RFTN1: variants seen among roughly 807,000 people sequenced by gnomAD.
RFTN1 encodes the protein raftlin.
RFTN1 carries 26 observed loss-of-function variants against 46.5 expected under a neutral mutation model. The ratio of observed to expected loss-of-function variants is 0.56; its 90% confidence interval spans 0.41 to 0.78. The LOEUF (loss-of-function observed/expected upper bound fraction) is 0.78, where lower values mean the gene tolerates loss of function less well. Ranked by LOEUF, RFTN1 falls within the 30% of genes least tolerant of loss-of-function variation. The pLI is 0.00. For missense variants in RFTN1, 693 were observed against 718.7 expected (o/e 0.96, Z 0.41); for synonymous variants, 261 against 284.2 (o/e 0.92, Z 0.82).
chr3:16,453,645 G>T (rs933623616), intron 2 of RFTN1, among the ~76,000 whole-genome samples: 3 of 152,150 alleles, frequency 2.0e-5, no homozygotes, highest in African/African-American at 7.2e-5. Flanking sequence ...TGGTATAATT[G>T]TAATTGGAAA....
At chr3:16,415,570 G>A (rs1344446484) in intron 3 of RFTN1, among the ~76,000 whole-genome samples, 1 of 151,712 alleles carries the variant, frequency 6.6e-6, no homozygotes, top group East Asian at 1.9e-4. Flanking sequence ...GGCTAAATGA[G>A]CTCTCCATTA....
At position 16,413,102 on chromosome 3, in the gene RFTN1, A is replaced by G. The variant is rs1434285985; in HGVS notation, c.333-3619T>C. Among the ~76,000 whole-genome samples, 2 of 152,256 alleles carry G rather than the reference A, an allele frequency of 1.3e-5. No homozygotes were observed. The highest frequency in any genetic ancestry group is 2.9e-5 in the Non-Finnish European group (2 of 68,032). On this transcript the variant is annotated intron_variant, in intron 3 of 9. Coordinates refer to ENST00000334133, the MANE Select transcript of RFTN1 (RefSeq NM_015150.2). The surrounding 1 kb of genome is among the most constrained non-coding windows in gnomAD (Gnocchi z 4.7). ...CATTTATTACAGAGCATAGAAAACT[A>G]ATACCAAAAAAAGAAAACAGAAAAC...
In RFTN1 at chr3:16,400,939, C is replaced by A. The variant is rs1365724738; in HGVS notation, c.441+8436G>T. ...AGGAGGGGATGCCCATTACCTTGTG[C>A]CCCTCCCACCTCGCCCTGCCTGGAA... On this transcript the variant is annotated intron_variant, in intron 4 of 9. Coordinates refer to ENST00000334133, the MANE Select transcript of RFTN1 (RefSeq NM_015150.2). This position sits in a 1 kb window ranked among gnomAD's most constrained non-coding sequence, Gnocchi z 4.5. Among the ~76,000 whole-genome samples, 1 of 152,062 alleles carries A rather than the reference C, an allele frequency of 6.6e-6. No homozygotes were observed. Among genetic ancestry groups the A allele is most frequent in the Non-Finnish European group, 1.5e-5 (1 of 67,990 alleles).
chr3:16,354,906 G>A (rs543202629), intron 7 of RFTN1, among the ~76,000 whole-genome samples: 177 of 152,300 alleles, frequency 1.2e-3, no homozygotes, highest in African/African-American at 3.8e-3. Context: ...TCCACAAAGC[G>A]CTAGGACACG....
At position 16,448,959 on chromosome 3, in the gene RFTN1, G is replaced by C. The variant is rs983516744; in HGVS notation, c.146-14922C>G. Reference sequence around the variant, plus strand: ...TGAGTCCCTGGAAATGCTTTGTACTGAATTTTCCAGATGATTTATGTTATG... The same window carrying C: ...TGAGTCCCTGGAAATGCTTTGTACTCAATTTTCCAGATGATTTATGTTATG... On this transcript the variant is annotated intron_variant, in intron 2 of 9. Transcript: ENST00000334133. This position sits in a 1 kb window ranked among gnomAD's most constrained non-coding sequence, Gnocchi z 4.1. Among the ~76,000 whole-genome samples the C allele has an allele frequency of 2.0e-5, 3 of 152,128 alleles. No individual in the cohort carries two copies. The highest frequency in any genetic ancestry group is 4.4e-5 in the Non-Finnish European group (3 of 68,018).
At position 16,413,659 on chromosome 3, in the gene RFTN1, A is replaced by G. The variant is rs2075016246; in HGVS notation, c.333-4176T>C. ...GGAGACGTACACAGGGTTAACTAAC[A>G]GCAAAAGCCCCCCCAACCTACTTTA... On this transcript the variant is annotated intron_variant, in intron 3 of 9. Transcript: ENST00000334133. The surrounding 1 kb of genome is among the most constrained non-coding windows in gnomAD (Gnocchi z 4.7). 6.6e-6 allele frequency among the ~76,000 whole-genome samples: 1 copy of G among 152,248 alleles called. No individual in the cohort carries two copies. The highest frequency in any genetic ancestry group is 2.4e-5 in the African/African-American group (1 of 41,466).
In RFTN1 at chr3:16,498,754, C is replaced by G. The variant is rs1195146245; in HGVS notation, c.-8-4877G>C. ...TGCCACACCGGCATTCCTTTCATTT[C>G]GCCCTGGATTCTTCCACCAACTCCC... On this transcript the variant is annotated intron_variant, in intron 1 of 9. Coordinates refer to ENST00000334133, the MANE Select transcript of RFTN1 (RefSeq NM_015150.2). The surrounding 1 kb of genome is among the most constrained non-coding windows in gnomAD (Gnocchi z 5.2). Among the ~76,000 whole-genome samples the G allele has an allele frequency of 6.6e-6, 1 of 152,168 alleles. No homozygotes were observed. The highest frequency in any genetic ancestry group is 1.5e-5 in the Non-Finnish European group (1 of 68,020).
chr3:16,329,612 C>T lies in RFTN1; in HGVS notation c.1147-2736G>A, dbSNP rs775439578. On this transcript the variant is annotated intron_variant, in intron 7 of 9. Transcript: ENST00000334133. The surrounding 1 kb of genome is among the most constrained non-coding windows in gnomAD (Gnocchi z 4.5). ...TGCTGGGTGCCACGCTCACCACCTG[C>T]TGAAGGAGTCCTGAGGCTGCTTTAT... Among the ~76,000 whole-genome samples, 8 of 152,178 alleles carry T rather than the reference C, an allele frequency of 5.3e-5. No homozygotes were observed. Among genetic ancestry groups the T allele is most frequent in the Admixed American group, 2.6e-4 (4 of 15,284 alleles).
rs765197223 is a variant in RFTN1, at chr3:16,370,252, T to C, written c.854A>G (p.Lys285Arg). ...GKMEIFTLFN[K>R]PKSHQKCRQY... ...CCGGCACTTCTGATGGCTCTTCGGT[T>C]TGTTGAAAAGGGTGAAGATCTCCAT... The change falls in exon 6 of 10, where the codon AAA becomes AGA. Residue 285 changes from lysine (K) to arginine (R), a missense_variant. Lys to Arg is a conservative substitution (Grantham distance 26, BLOSUM62 2). Transcript: ENST00000334133. The surrounding 1 kb of genome is among the most constrained non-coding windows in gnomAD (Gnocchi z 5.5). 8 of 1,614,152 alleles carry C rather than the reference T, an allele frequency of 5.0e-6. No homozygotes were observed. Among genetic ancestry groups the C allele is most frequent in the Non-Finnish European group, 4.2e-6 (5 of 1,180,014 alleles).
intron 7 of RFTN1, among the ~76,000 whole-genome samples, chr3:16,343,652 G>A (rs1215101665): frequency 1.3e-5 from 2 of 152,126 alleles, no homozygotes; most frequent in Non-Finnish European, 2.9e-5. Context: ...TCATAAATTT[G>A]GTCAAAGATA....
chr3:16,411,132 G>A (rs991093908), intron 3 of RFTN1, among the ~76,000 whole-genome samples: 1 of 152,142 alleles, frequency 6.6e-6, no homozygotes, highest in African/African-American at 2.4e-5. Flanking sequence ...TTATGAGGCT[G>A]TTCTACCAAA....
At position 16,443,750 on chromosome 3, in the gene RFTN1, A is replaced by AACACACACACACACAC. The variant is rs57242614; in HGVS notation, c.146-9729_146-9714dup. On this transcript the variant is annotated intron_variant, in intron 2 of 9. Coordinates refer to ENST00000334133, the MANE Select transcript of RFTN1 (RefSeq NM_015150.2). The surrounding 1 kb of genome is among the most constrained non-coding windows in gnomAD (Gnocchi z 5.5). ...CACACATAGTCAATGAATTACACAC[A>AACACACACACACACAC]ACACACACACACACACACACACACA... 7.5e-5 allele frequency among the ~76,000 whole-genome samples: 11 copies of AACACACACACACACAC among 146,040 alleles called. 2 individuals carry two copies. The highest frequency in any genetic ancestry group is 6.8e-3 in the Middle Eastern group (2 of 294).
intron 4 of RFTN1, among the ~76,000 whole-genome samples, chr3:16,396,066 T>C (rs1183901690): frequency 6.6e-6 from 1 of 152,178 alleles, no homozygotes; most frequent in African/African-American, 2.4e-5. Context: ...AAAATATACA[T>C]AGATGGTTCA....
chr3:16,317,147 T>C lies in RFTN1; in HGVS notation c.1418A>G (p.Gln473Arg). The change falls in exon 10 of 10, where the codon CAA becomes CGA. Residue 473 changes from glutamine (Q) to arginine (R), a missense_variant. Physicochemically the swap from Gln to Arg is conservative, Grantham distance 43. Coordinates refer to ENST00000334133, the MANE Select transcript of RFTN1 (RefSeq NM_015150.2). This position sits in a 1 kb window ranked among gnomAD's most constrained non-coding sequence, Gnocchi z 4.3. ...TAAGTTCTTCTCATTTTCTTCTGCT[T>C]GTTGTTTGTCTCTGGCACTGAGTTT... Reference protein sequence around the residue: ...KGKLSARDKQQAEENEKNLED... With the variant: ...KGKLSARDKQRAEENEKNLED... The C allele has an allele frequency of 6.2e-7, 1 of 1,613,766 alleles. No individual in the cohort carries two copies. Among genetic ancestry groups the C allele is most frequent in the South Asian group, 1.1e-5 (1 of 91,064 alleles).
In RFTN1 at chr3:16,345,815, TGTGCGCGCGCGCGTGCGC is replaced by T. The variant is rs1353639834; in HGVS notation, c.1146+12099_1146+12116del. Among the ~76,000 whole-genome samples, 16 of 82,394 alleles carry T rather than the reference TGTGCGCGCGCGCGTGCGC, an allele frequency of 1.9e-4. No homozygotes were observed. The highest frequency in any genetic ancestry group is 3.2e-4 in the Non-Finnish European group (14 of 43,140). The allele number at this position is 82,394 out of a possible 152,430, so 54.1% of individuals were successfully genotyped here. A position where few individuals can be genotyped will look rare whatever the true frequency, so the allele number is the denominator to read the frequency against. The stretch of plus-strand genomic sequence containing the variant: ...GTGTGTGTGTGTGTGTGTGTGTGTG[TGTGCGCGCGCGCGTGCGC>T]GCACGCGCACATGTGCATGTGTATG... On this transcript the variant is annotated intron_variant, in intron 7 of 9. Transcript: ENST00000334133. This position sits in a 1 kb window ranked among gnomAD's most constrained non-coding sequence, Gnocchi z 5.2.
rs1179831306 is a variant in RFTN1 at position 16,509,301 on chromosome 3, G to A, written c.-9+4141C>T. ...CATTTCTATTATAATATGGCTTTGT[G>A]TATTTGGAAATCCGTGATTGTAGAC... On this transcript the variant is annotated intron_variant, in intron 1 of 9. Transcript: ENST00000334133. This position sits in a 1 kb window ranked among gnomAD's most constrained non-coding sequence, Gnocchi z 4.9. Among the ~76,000 whole-genome samples, 1 of 152,122 alleles carries A rather than the reference G, an allele frequency of 6.6e-6. No homozygotes were observed. Among genetic ancestry groups the A allele is most frequent in the East Asian group, 1.9e-4 (1 of 5,192 alleles).
intron 7 of RFTN1, among the ~76,000 whole-genome samples, chr3:16,357,394 A>G (rs2072525088): frequency 6.6e-6 from 1 of 152,218 alleles, no homozygotes; most frequent in South Asian, 2.1e-4. Context: ...ACATTTCTCA[A>G]AGACATTCTT....
chr3:16,413,881 ATTTAC>A lies in RFTN1; in HGVS notation c.333-4403_333-4399del, dbSNP rs1394123172. Among the ~76,000 whole-genome samples, 1 of 152,170 alleles carries A rather than the reference ATTTAC, an allele frequency of 6.6e-6. No homozygotes were observed. The highest frequency in any genetic ancestry group is 1.5e-5 in the Non-Finnish European group (1 of 68,028). ...TACACCAGCTGTGAGCCTTTGGGCA[ATTTAC>A]TTAAACTTTCTGTGCTTCAGTTTCT... is the stretch of plus-strand genomic sequence containing the variant. On this transcript the variant is annotated intron_variant, in intron 3 of 9. Transcript: ENST00000334133. This position sits in a 1 kb window ranked among gnomAD's most constrained non-coding sequence, Gnocchi z 4.7.
chr3:16,497,939 AG>A (rs752024515), intron 1 of RFTN1, among the ~76,000 whole-genome samples: 4 of 152,248 alleles, frequency 2.6e-5, no homozygotes, highest in Non-Finnish European at 1.5e-5. Context: ...AGGTTTGGAA[AG>A]GGTTGGGGTG....
Sources: allele counts gnomAD v4.1 joint callset (sites outside exome capture counted in the v4.1 genomes callset), GRCh38; gene constraint gnomAD v4.1.1; non-coding constraint Gnocchi (gnomAD v3.1); transcripts MANE v1.5; gene names NCBI Gene and HGNC (gene_info 2026-07-23, HGNC 2026-07-21).